The following PCDH17 variants were observed in gnomAD, a reference collection of about 807,000 sequenced individuals.
PCDH17 encodes the protein protocadherin 17.
In PCDH17, 21 loss-of-function variants were observed where a neutral mutation model predicts 67.7. That is an observed-to-expected ratio of 0.31 (90% CI 0.22 to 0.45). The LOEUF is 0.45. Among genes scored for constraint, PCDH17 ranks in the 20% least tolerant of loss-of-function variants. PCDH17 has a pLI of 1.00. For missense variants in PCDH17, 1,471 were observed against 1,564.8 expected, an observed-to-expected ratio of 0.94 and a Z score of 1.01; for synonymous variants, 701 against 656.7, an observed-to-expected ratio of 1.07 and a Z score of -1.03.
At chr13:57,697,004 A>G (rs772156872) in intron 3 of PCDH17, among the ~76,000 whole-genome samples, 1 of 151,620 alleles carries the variant, frequency 6.6e-6, no homozygotes, top group Non-Finnish European at 1.5e-5. Flanking sequence ...ATTTTTAAGT[A>G]GGCTTGAAGA....
Position 57,729,264 on chromosome 13 carries a change from T to C in PCDH17, c.*3970T>C, listed in dbSNP as rs1256661490. 2.0e-5 allele frequency: 3 copies of C among 152,146 alleles called. No homozygotes were observed. The highest frequency in any genetic ancestry group is 1.3e-4 in the Admixed American group (2 of 15,274). 9.4% of individuals were successfully genotyped at this position (152,146 alleles called of 1,614,324 possible). A position where few individuals can be genotyped will look rare whatever the true frequency, so the allele number is the denominator to read the frequency against. ...TATTGTTTAATGGCTGTGTTTAATGTGATCTATCTGGAAAATGAGGACTCC... is the reference window on the plus strand; with the variant it reads ...TATTGTTTAATGGCTGTGTTTAATGCGATCTATCTGGAAAATGAGGACTCC... On this transcript the variant is annotated 3_prime_UTR_variant, in exon 4 of 4. Transcript: ENST00000377918.
chr13:57,709,428 T>C (rs1955754349), intron 3 of PCDH17, among the ~76,000 whole-genome samples: 1 of 151,752 alleles, frequency 6.6e-6, no homozygotes, highest in African/African-American at 2.4e-5. Context: ...TACATCTTGT[T>C]ACTTTGCACT....
At chr13:57,663,036 TAAA>T (rs1220093169) in intron 1 of PCDH17, among the ~76,000 whole-genome samples, 1 of 152,102 alleles carries the variant, frequency 6.6e-6, no homozygotes, top group Non-Finnish European at 1.5e-5. Flanking sequence ...TCACTTTTTT[TAAA>T]AAAGTGATTT....
intron 3 of PCDH17, among the ~76,000 whole-genome samples, chr13:57,667,835 T>G (rs540376876): frequency 1.0e-4 from 15 of 149,028 alleles, no homozygotes; most frequent in African/African-American, 3.2e-4. Context: ...ATGCAAATAT[T>G]AATATACCCA....
At chr13:57,666,618 T>A (rs372895814) in intron 2 of PCDH17, 43 bp from the exon 3 acceptor site, 13 of 1,602,448 alleles carry the variant, frequency 8.1e-6, no homozygotes, top group African/African-American at 1.3e-5. Context: ...TTCAAACTAG[T>A]AGAGACAACA....
intron 3 of PCDH17, among the ~76,000 whole-genome samples, chr13:57,678,079 A>G (rs887199088): frequency 3.0e-4 from 46 of 151,618 alleles, no homozygotes; most frequent in African/African-American, 1.1e-3. Flanking sequence ...CATAATAATA[A>G]CTATGTGAAG....
chr13:57,631,689 G>A (rs1210199675), upstream of PCDH17: 3 of 152,554 alleles, frequency 2.0e-5, no homozygotes, highest in Non-Finnish European at 4.4e-5. Context: ...AGGAAGAGAG[G>A]GAGGAGCCTG....
intron 3 of PCDH17, among the ~76,000 whole-genome samples, chr13:57,697,676 G>T (rs1955623887): frequency 6.6e-6 from 1 of 151,244 alleles, no homozygotes; most frequent in Admixed American, 6.6e-5. Context: ...AATCAAAAAT[G>T]GTATTTAGAA....
intron 1 of PCDH17, among the ~76,000 whole-genome samples, chr13:57,652,243 A>G (rs1593902254): frequency 7.0e-6 from 1 of 143,796 alleles, no homozygotes; most frequent in East Asian, 2.1e-4. Flanking sequence ...GCGCCACTGC[A>G]GTCCGCAGTC....
chr13:57,637,876 A>G (rs1954843089), intron 1 of PCDH17, among the ~76,000 whole-genome samples: 1 of 152,030 alleles, frequency 6.6e-6, no homozygotes, highest in African/African-American at 2.4e-5. Context: ...TGTTAAGGTT[A>G]ATGCCTGTAG....
In PCDH17 at chr13:57,701,928, T is replaced by G. The variant is rs533633416; in HGVS notation, c.2798-22684T>G. Among the ~76,000 whole-genome samples the G allele has an allele frequency of 2.3e-4, 34 of 150,900 alleles. 1 individual carries two copies. The Middle Eastern group carries it at 0.01, about 46-fold the overall frequency. On this transcript the variant is annotated intron_variant, in intron 3 of 3. Transcript: ENST00000377918. Reference sequence around the variant, plus strand: ...ACAGCAACAACAATAACTGTACGGGTTTTTTTTTGGATGGAGTCTTGCTCT... The same window carrying G: ...ACAGCAACAACAATAACTGTACGGGGTTTTTTTTGGATGGAGTCTTGCTCT...
chr13:57,692,331 T>C (rs1955566888), intron 3 of PCDH17, among the ~76,000 whole-genome samples: 1 of 151,302 alleles, frequency 6.6e-6, no homozygotes, highest in Non-Finnish European at 1.5e-5. Flanking sequence ...TCTTGGTTTA[T>C]CAACAGTTAA....
chr13:57,661,127 A>G (rs535436456), intron 1 of PCDH17, among the ~76,000 whole-genome samples: 2 of 152,286 alleles, frequency 1.3e-5, no homozygotes, highest in Non-Finnish European at 2.9e-5. Context: ...ACCTAAATTT[A>G]TGAGAATTCC....
chr13:57,656,623 T>C (rs1955108520), intron 1 of PCDH17, among the ~76,000 whole-genome samples: 2 of 152,094 alleles, frequency 1.3e-5, no homozygotes, highest in African/African-American at 4.8e-5. Flanking sequence ...GGAAAAGTCT[T>C]CAGTATTCTT....
Position 57,633,791 on chromosome 13 carries a change from G to A in PCDH17, c.1245G>A (p.Glu415=). The A allele has an allele frequency of 6.2e-7, 1 of 1,607,270 alleles. No individual in the cohort carries two copies. The highest frequency in any genetic ancestry group is 2.2e-5 in the East Asian group (1 of 44,772). The change falls in exon 1 of 4, where the codon GAG becomes GAA. Residue 415 remains glutamate, a synonymous_variant. Transcript: ENST00000377918. This position sits in a 1 kb window ranked among gnomAD's most constrained non-coding sequence, Gnocchi z 6.2. Reference sequence around the variant, plus strand: ...GGGGTTCCGTCCCCTTCAAGCTTGAGGAGAACTACGACAACTTCTACACGG... The same window carrying A: ...GGGGTTCCGTCCCCTTCAAGCTTGAAGAGAACTACGACAACTTCTACACGG... ...GPGGSVPFKL[E]ENYDNFYTVV... is the part of the protein sequence containing the mutation.
intron 1 of PCDH17, among the ~76,000 whole-genome samples, chr13:57,640,848 G>C (rs541562459): frequency 3.1e-4 from 47 of 152,172 alleles, no homozygotes; most frequent in African/African-American, 1.1e-3. Context: ...ATGCTGAGAA[G>C]TCTTGCAATA....
intron 1 of PCDH17, among the ~76,000 whole-genome samples, chr13:57,654,976 T>C (rs1480581013): frequency 2.0e-5 from 3 of 151,998 alleles, no homozygotes; most frequent in African/African-American, 7.2e-5. Context: ...TGAAGCTATG[T>C]AGAAGGTTGG....
intron 1 of PCDH17, among the ~76,000 whole-genome samples, chr13:57,640,519 T>C (rs1317230317): frequency 6.6e-6 from 1 of 152,080 alleles, no homozygotes; most frequent in Non-Finnish European, 1.5e-5. Flanking sequence ...CAAGCTTTTA[T>C]TTTTCTTTGA....
chr13:57,654,457 A>T (rs1955080449), intron 1 of PCDH17, among the ~76,000 whole-genome samples: 1 of 152,114 alleles, frequency 6.6e-6, no homozygotes, highest in Non-Finnish European at 1.5e-5. Flanking sequence ...GTAGATTATA[A>T]AAAGTTTCTA....
Sources: allele counts gnomAD v4.1 joint callset (sites outside exome capture counted in the v4.1 genomes callset), GRCh38; gene constraint gnomAD v4.1.1; non-coding constraint Gnocchi (gnomAD v3.1); transcripts MANE v1.5; gene names NCBI Gene and HGNC (gene_info 2026-07-23, HGNC 2026-07-21).